CNDP2: variants seen among roughly 807,000 people sequenced by gnomAD.
CNDP2 encodes cytosolic non-specific dipeptidase.
Under a neutral mutation model 55.0 loss-of-function variants are expected in CNDP2, and 38 were observed. The ratio of observed to expected loss-of-function variants is 0.69; its 90% CI spans 0.53 to 0.90. CNDP2 has a LOEUF of 0.90. Ranked by LOEUF, CNDP2 falls within the 40% of genes least tolerant of loss-of-function variation. The pLI is 0.00. For synonymous variants in CNDP2, 241 were observed against 260.2 expected (o/e 0.93, Z 0.71); for missense variants, 607 against 621.7 (o/e 0.98, Z 0.25).
At chr18:74,498,784 G>C (rs759190766) in intron 1 of CNDP2, among the ~76,000 whole-genome samples, 4 of 152,186 alleles carry the variant, frequency 2.6e-5, no homozygotes, top group Non-Finnish European at 4.4e-5. Flanking sequence ...AAAGATCCGA[G>C]CTGGCTGGGA....
chr18:74,522,421 G>A lies in CNDP2; in HGVS notation c.*2353G>A, dbSNP rs1173824965. On this transcript the variant is annotated 3_prime_UTR_variant, in exon 12 of 12. Coordinates refer to ENST00000324262, the MANE Select transcript of CNDP2 (RefSeq NM_018235.3). ...GCATGCGAGCTGCATATGGGCCCCCGTTAGTCAGGAACCCATGCTGAGAGG... is the reference window on the plus strand; with the variant it reads ...GCATGCGAGCTGCATATGGGCCCCCATTAGTCAGGAACCCATGCTGAGAGG... 5.9e-5 allele frequency: 9 copies of A among 152,254 alleles called. No homozygotes were observed. Among genetic ancestry groups the A allele is most frequent in the Admixed American group, 4.6e-4 (7 of 15,286 alleles). 9.4% of individuals were successfully genotyped at this position (152,254 alleles called of 1,614,324 possible). A position where few individuals can be genotyped will look rare whatever the true frequency, so the allele number is the denominator to read the frequency against.
chr18:74,506,426 A>G (rs1480440860), intron 4 of CNDP2, among the ~76,000 whole-genome samples: 1 of 152,026 alleles, frequency 6.6e-6, no homozygotes, highest in Admixed American at 6.6e-5. Flanking sequence ...TTGAGCCACC[A>G]CGCCGGGCAC....
intron 3 of CNDP2, among the ~76,000 whole-genome samples, chr18:74,501,728 G>A (rs572771758): frequency 1.7e-4 from 26 of 152,200 alleles, no homozygotes; most frequent in Non-Finnish European, 3.2e-4. Context: ...CTAAGTTAAT[G>A]TAACAGTCAT....
At chr18:74,501,190 G>A (rs781626280) in intron 2 of CNDP2, 139 bp from the exon 3 acceptor site, 1 of 1,438,762 alleles carries the variant, frequency 7.0e-7, no homozygotes, top group Non-Finnish European at 9.1e-7. Context: ...ACACGTGATG[G>A]GTCTGTCCTA....
intron 3 of CNDP2, among the ~76,000 whole-genome samples, chr18:74,502,072 G>A (rs946733253): frequency 1.8e-4 from 27 of 152,128 alleles, no homozygotes; most frequent in African/African-American, 6.3e-4. Flanking sequence ...TTTTTGTAGA[G>A]ACGGGGTTTT....
chr18:74,512,675 C>A, intron 7 of CNDP2, 143 bp downstream of exon 7: 1 of 656,242 alleles, frequency 1.5e-6, no homozygotes. Context: ...GCCTCTCCCT[C>A]CTTCCACTCA....
intron 4 of CNDP2, 67 bp from the exon 5 acceptor site, chr18:74,508,773 C>T (rs1979174981): frequency 2.2e-6 from 3 of 1,334,324 alleles, no homozygotes; most frequent in South Asian, 1.2e-5. Flanking sequence ...CAGATGTGCA[C>T]CTGAGACACG....
At chr18:74,518,661 A>G (rs1442240341) in intron 10 of CNDP2, 21 bp downstream of exon 10, 1 of 1,613,756 alleles carries the variant, frequency 6.2e-7, no homozygotes, top group East Asian at 2.2e-5. Flanking sequence ...CTCCTTGTGG[A>G]TGATGCCGCG....
At chr18:74,509,294 G>T in intron 5 of CNDP2, 1 of 204,642 alleles carries the variant, frequency 4.9e-6, no homozygotes, top group Admixed American at 5.6e-5. Context: ...GTCTCTGTGT[G>T]GTTTACGTCC....
At chr18:74,502,326 C>CT (rs1473135105) in intron 3 of CNDP2, among the ~76,000 whole-genome samples, 1 of 152,206 alleles carries the variant, frequency 6.6e-6, no homozygotes, top group African/African-American at 2.4e-5. Flanking sequence ...GAAACTGCAA[C>CT]TTTAAGCAAG....
At chr18:74,501,561 T>C in intron 3 of CNDP2, 89 bp downstream of exon 3, 1 of 1,467,886 alleles carries the variant, frequency 6.8e-7, no homozygotes. Flanking sequence ...AAAAGATCTT[T>C]TGCTTCACAT....
intron 1 of CNDP2, among the ~76,000 whole-genome samples, chr18:74,498,550 G>A (rs746790577): frequency 3.9e-5 from 6 of 152,148 alleles, no homozygotes; most frequent in Non-Finnish European, 5.9e-5. Context: ...CAGTGAGCTT[G>A]GGATTTGTGG....
At chr18:74,509,150 T>G in intron 5 of CNDP2, 1 of 526,082 alleles carries the variant, frequency 1.9e-6, no homozygotes, top group Non-Finnish European at 3.4e-6. Flanking sequence ...TGCTTAAAGG[T>G]CACAATATTG....
intron 3 of CNDP2, chr18:74,504,641 A>G (rs1466981445): frequency 6.6e-6 from 1 of 152,264 alleles, no homozygotes; most frequent in Non-Finnish European, 1.5e-5. Context: ...TTATCAATTT[A>G]GTTTTTGCGT....
In CNDP2 at chr18:74,519,114, G is replaced by GCAC; in HGVS notation, c.1358+18_1358+19insCAC. The GCAC allele has an allele frequency of 6.3e-7, 1 of 1,589,870 alleles. No homozygotes were observed. Among genetic ancestry groups the GCAC allele is most frequent in the Non-Finnish European group, 8.6e-7 (1 of 1,163,972 alleles). ...CTCAACAGGTGAGAGTCCAGGGTGC[G>GCAC]GCCCAGGTTGGCGTCTCCTGCACAG... On this transcript the variant is annotated intron_variant, in intron 11 of 11. Coordinates refer to ENST00000324262, the MANE Select transcript of CNDP2 (RefSeq NM_018235.3).
At chr18:74,519,729 T>C (rs943073444) in intron 11 of CNDP2, among the ~76,000 whole-genome samples, 1 of 152,152 alleles carries the variant, frequency 6.6e-6, no homozygotes, top group African/African-American at 2.4e-5. Flanking sequence ...AAGCGGATAA[T>C]GGGAGGAGCC....
rs2144621543 is a variant in CNDP2 at position 74,520,296 on chromosome 18, A to G, written c.*228A>G. 3.8e-6 allele frequency: 2 copies of G among 525,498 alleles called. No individual in the cohort carries two copies. Among genetic ancestry groups the G allele is most frequent in the Non-Finnish European group, 3.5e-6 (1 of 288,944 alleles). 32.6% of individuals were successfully genotyped at this position (525,498 alleles called of 1,614,324 possible). A position where few individuals can be genotyped will look rare whatever the true frequency, so the allele number is the denominator to read the frequency against. ...GCTGAGTCACCCTGGGTAAGTTCTC[A>G]GAGTGGTCAGGATGGCTTGACCTGC... On this transcript the variant is annotated 3_prime_UTR_variant, in exon 12 of 12. Coordinates refer to ENST00000324262, the MANE Select transcript of CNDP2 (RefSeq NM_018235.3).
In CNDP2 at chr18:74,516,252, C is replaced by T. The variant is rs761637739; in HGVS notation, c.928C>T (p.Arg310Trp). ...GAAAGACATCCTCATGCACCGATGG[C>T]GGTACCCGTCTCTGTCCCTCCATGG... ...HKKDILMHRW[R>W]YPSLSLHGIE... The change falls in exon 9 of 12, where the codon CGG becomes TGG. Residue 310 changes from arginine (R) to tryptophan (W), a missense_variant. Physicochemically the swap from Arg to Trp is moderately radical, Grantham distance 101 (BLOSUM62 -3). Transcript: ENST00000324262. 11 of 1,613,450 alleles carry T rather than the reference C, an allele frequency of 6.8e-6. No individual in the cohort carries two copies. Among genetic ancestry groups the T allele is most frequent in the South Asian group, 3.3e-5 (3 of 91,010 alleles).
At chr18:74,512,616 G>T in intron 7 of CNDP2, 84 bp downstream of exon 7, 1 of 1,149,878 alleles carries the variant, frequency 8.7e-7, no homozygotes, top group South Asian at 1.4e-5. Flanking sequence ...AGCATTGGGT[G>T]CATTTCAGCA....
Sources: allele counts gnomAD v4.1 joint callset (sites outside exome capture counted in the v4.1 genomes callset), GRCh38; gene constraint gnomAD v4.1.1; transcripts MANE v1.5; gene names NCBI Gene and HGNC (gene_info 2026-07-23, HGNC 2026-07-21).